The following NCAN variants were observed in gnomAD, a reference collection of about 807,000 sequenced individuals.
The protein encoded by NCAN is neurocan, also known as neurocan core protein.
NCAN carries 47 observed loss-of-function variants against 121.8 expected under a neutral mutation model. The observed-to-expected ratio is 0.39, with a 90% confidence interval of 0.31 to 0.49. NCAN has a LOEUF of 0.49. Among genes scored for constraint, NCAN ranks in the 20% least tolerant of loss-of-function variants. The probability of loss-of-function intolerance (pLI) is 0.92; values close to 1 mark genes in which losing one functional copy is unlikely to be tolerated. For synonymous variants in NCAN, 633 were observed against 702.0 expected, an observed-to-expected ratio of 0.90 and a Z score of 1.55; for missense variants, 1,517 against 1,773.4, an observed-to-expected ratio of 0.86 and a Z score of 2.60.
chr19:19,218,142 G>A (rs938255899), intron 2 of NCAN, among the ~76,000 whole-genome samples: 3 of 151,934 alleles, frequency 2.0e-5, no homozygotes, highest in African/African-American at 7.3e-5. Flanking sequence ...GCCAGGCGTG[G>A]TGGCACACAC....
intron 5 of NCAN, 68 bp downstream of exon 5, chr19:19,224,501 C>G: frequency 6.4e-7 from 1 of 1,561,148 alleles, no homozygotes; most frequent in Middle Eastern, 1.8e-4. Flanking sequence ...CTCCCCAACT[C>G]CCATCCTCCG....
Position 19,226,857 on chromosome 19 carries a change from C to A in NCAN, c.1444C>A (p.Arg482Ser), listed in dbSNP as rs775437640. 6.2e-7 allele frequency: 1 copy of A among 1,613,026 alleles called. No individual in the cohort carries two copies. Among genetic ancestry groups the A allele is most frequent in the Non-Finnish European group, 8.5e-7 (1 of 1,179,848 alleles). Residue 482 changes from arginine to serine, a missense_variant, in exon 7 of 15, where the codon CGC becomes AGC. Physicochemically the swap from Arg to Ser is moderately radical, Grantham distance 110 (BLOSUM62 -1). Transcript: ENST00000252575. ...TGACCCTATGCCTAGGAGAAGGGGG[C>A]GCTTCAAAGGGTTGAATGGGCGCTA... ...PTDPMPRRRG[R>S]FKGLNGRYFQ... is the part of the protein sequence containing the mutation.
intron 3 of NCAN, among the ~76,000 whole-genome samples, chr19:19,220,225 G>T (rs957907801): frequency 6.6e-6 from 1 of 151,818 alleles, no homozygotes; most frequent in Admixed American, 6.6e-5. Context: ...TAAGCTCACT[G>T]CATCCTCCGT....
At chr19:19,247,863 A>C (rs4808931) in intron 13 of NCAN, among the ~76,000 whole-genome samples, 54,846 of 152,012 alleles carry the variant, frequency 0.36, 11,554 homozygotes, top group African/African-American at 0.58. Flanking sequence ...CCTGTGAGAT[A>C]AGAACTGGGC....
At chr19:19,248,019 G>A (rs149846016) in intron 13 of NCAN, among the ~76,000 whole-genome samples, 5 of 152,060 alleles carry the variant, frequency 3.3e-5, no homozygotes, top group African/African-American at 7.2e-5. Flanking sequence ...TCGGTGGTGC[G>A]CACCTGTAGT....
In NCAN at chr19:19,250,024, A is replaced by C; in HGVS notation, c.*113A>C. ...GAGTCCAGAAGTCCCTGAACCCCAA[A>C]CCACATCCCCCACACACATAATCCT... On this transcript the variant is annotated 3_prime_UTR_variant, in exon 15 of 15. Coordinates refer to ENST00000252575, the MANE Select transcript of NCAN (RefSeq NM_004386.3). The C allele has an allele frequency of 9.3e-7, 1 of 1,075,216 alleles. No homozygotes were observed. 66.6% of individuals were successfully genotyped at this position (1,075,216 alleles called of 1,614,324 possible).
In NCAN at chr19:19,227,177, A is replaced by C; in HGVS notation, c.1660+104A>C. The C allele has an allele frequency of 2.7e-6, 4 of 1,490,180 alleles. No homozygotes were observed. Among genetic ancestry groups the C allele is most frequent in the Non-Finnish European group, 3.6e-6 (4 of 1,120,540 alleles). 92.3% of individuals were successfully genotyped at this position (1,490,180 alleles called of 1,614,324 possible). Reference sequence around the variant, plus strand: ...AATGAGGGAGGAAGCTCCAAATCCCAGCTGGGTCCTCTGGCCCCAGAAGCC... The same window carrying C: ...AATGAGGGAGGAAGCTCCAAATCCCCGCTGGGTCCTCTGGCCCCAGAAGCC... On this transcript the variant is annotated intron_variant, in intron 7 of 14. Transcript: ENST00000252575. This position sits in a 1 kb window ranked among gnomAD's most constrained non-coding sequence, Gnocchi z 4.2.
intron 12 of NCAN, among the ~76,000 whole-genome samples, chr19:19,243,384 C>T (rs1456582556): frequency 6.6e-6 from 1 of 151,574 alleles, no homozygotes; most frequent in Non-Finnish European, 1.5e-5. Flanking sequence ...GGCGTGGTGG[C>T]GTGCACGTGT....
chr19:19,241,411 G>A (rs2060902885), intron 12 of NCAN, among the ~76,000 whole-genome samples: 1 of 152,040 alleles, frequency 6.6e-6, no homozygotes, highest in South Asian at 2.1e-4. Context: ...CTGGGTGACA[G>A]AGCGAGACCC....
rs1430885585 is a variant in NCAN, at chr19:19,225,612, C to T, written c.1072+342C>T. On this transcript the variant is annotated intron_variant, in intron 6 of 14. Coordinates refer to ENST00000252575, the MANE Select transcript of NCAN (RefSeq NM_004386.3). The surrounding 1 kb of genome is among the most constrained non-coding windows in gnomAD (Gnocchi z 4.0). ...TACTCTACCTAGAGCCACGCCCATA[C>T]GCAGAAACACCCCCGTGGAAGAGAT... 6.6e-6 allele frequency among the ~76,000 whole-genome samples: 1 copy of T among 152,204 alleles called. No individual in the cohort carries two copies. Among genetic ancestry groups the T allele is most frequent in the African/African-American group, 2.4e-5 (1 of 41,452 alleles).
At position 19,227,941 on chromosome 19, in the gene NCAN, C is replaced by A; in HGVS notation, c.2321C>A (p.Thr774Asn). The A allele has an allele frequency of 6.2e-7, 1 of 1,613,554 alleles. No homozygotes were observed. The change falls in exon 8 of 15, where the codon ACT becomes AAT. Residue 774 changes from threonine (T) to asparagine (N), a missense_variant. Physicochemically the swap from Thr to Asn is moderately conservative, Grantham distance 65. Coordinates refer to ENST00000252575, the MANE Select transcript of NCAN (RefSeq NM_004386.3). This position sits in a 1 kb window ranked among gnomAD's most constrained non-coding sequence, Gnocchi z 4.2. ...AESPTSGLQATVDEVQDPWPS... is the reference protein window; with the variant it reads ...AESPTSGLQANVDEVQDPWPS... ...AGCCCCACTTCTGGCTTGCAGGCCA[C>A]TGTAGATGAGGTGCAGGACCCCTGG...
At chr19:19,220,691 T>C (rs1289222164) in intron 3 of NCAN, among the ~76,000 whole-genome samples, 1 of 152,066 alleles carries the variant, frequency 6.6e-6, no homozygotes, top group Non-Finnish European at 1.5e-5. Context: ...TCTCCTGACC[T>C]CGTGATCTGC....
In NCAN at chr19:19,238,656, G is replaced by C. The variant is rs375890431; in HGVS notation, c.3409+245G>C. The C allele has an allele frequency of 1.4e-4, 77 of 544,410 alleles. 2 individuals are homozygous for C. Among genetic ancestry groups the C allele is most frequent in the Admixed American group, 4.5e-4 (15 of 33,082 alleles). 33.7% of individuals were successfully genotyped at this position (544,410 alleles called of 1,614,324 possible). A position where few individuals can be genotyped will look rare whatever the true frequency, so the allele number is the denominator to read the frequency against. ...TTACTGAGCACCTGCTATATGCCAG[G>C]CACCATTCCAGGAATATTGACACAG... On this transcript the variant is annotated intron_variant, in intron 11 of 14. Coordinates refer to ENST00000252575, the MANE Select transcript of NCAN (RefSeq NM_004386.3).
intron 3 of NCAN, 67 bp from the exon 4 acceptor site, chr19:19,223,954 G>GGTAGGTCT (rs1402890870): frequency 2.1e-6 from 3 of 1,437,284 alleles, no homozygotes; most frequent in Non-Finnish European, 2.8e-6. Context: ...TTCTGCAAGA[G>GGTAGGTCT]GTAGGTCTGT....
At chr19:19,213,971 G>C (rs1419133965) in intron 1 of NCAN, among the ~76,000 whole-genome samples, 1 of 152,084 alleles carries the variant, frequency 6.6e-6, no homozygotes, top group Non-Finnish European at 1.5e-5. Flanking sequence ...CACATCCACA[G>C]ATCACACTAG....
intron 12 of NCAN, among the ~76,000 whole-genome samples, chr19:19,244,092 A>G (rs1457051271): frequency 2.6e-5 from 4 of 152,240 alleles, no homozygotes; most frequent in African/African-American, 9.6e-5. Context: ...TGCGCTATAT[A>G]TATTTTGCCA....
chr19:19,215,293 G>A (rs1274663530), intron 1 of NCAN, among the ~76,000 whole-genome samples: 6 of 152,188 alleles, frequency 3.9e-5, no homozygotes, highest in Admixed American at 3.9e-4. Flanking sequence ...AGCAAGGATT[G>A]GGTTTGCAGA....
In NCAN at chr19:19,217,940, T is replaced by C. The variant is rs188690870; in HGVS notation, c.73+914T>C. On this transcript the variant is annotated intron_variant, in intron 2 of 14. Coordinates refer to ENST00000252575, the MANE Select transcript of NCAN (RefSeq NM_004386.3). ...AGGCGAAGGTTGCAGTGAGCCGAGATCATGCCACTCCACTCCAGCCTGGGT... is the reference window on the plus strand; with the variant it reads ...AGGCGAAGGTTGCAGTGAGCCGAGACCATGCCACTCCACTCCAGCCTGGGT... Among the ~76,000 whole-genome samples the C allele has an allele frequency of 1.6e-3, 250 of 151,606 alleles. 2 individuals carry two copies. Among genetic ancestry groups the C allele is most frequent in the Non-Finnish European group, 3.0e-3 (204 of 67,948 alleles).
chr19:19,237,982 G>A (rs1210441910), intron 10 of NCAN, among the ~76,000 whole-genome samples: 1 of 152,140 alleles, frequency 6.6e-6, no homozygotes, highest in African/African-American at 2.4e-5. Context: ...GGCGGAGGTA[G>A]CAGTGAGCCG....
Sources: allele counts gnomAD v4.1 joint callset (sites outside exome capture counted in the v4.1 genomes callset), GRCh38; gene constraint gnomAD v4.1.1; non-coding constraint Gnocchi (gnomAD v3.1); transcripts MANE v1.5; gene names NCBI Gene and HGNC (gene_info 2026-07-23, HGNC 2026-07-21).